The following TENM2 variants were observed in gnomAD, a reference collection of about 807,000 sequenced individuals.
The protein encoded by TENM2 is teneurin transmembrane protein 2, also known as teneurin-2.
A neutral mutation model predicts 245.2 loss-of-function variants in TENM2; 52 were observed. That is an observed-to-expected ratio of 0.21 (90% confidence interval 0.17 to 0.27). The LOEUF (loss-of-function observed/expected upper bound fraction) is 0.27. Ranked by LOEUF, TENM2 falls within the 10% of genes least tolerant of loss-of-function variation. The pLI is 1.00. For synonymous variants in TENM2, 1,363 were observed against 1,438.9 expected, an observed-to-expected ratio of 0.95 and a Z score of 1.19; for missense variants, 3,046 against 3,666.8, an observed-to-expected ratio of 0.83 and a Z score of 4.37.
At chr5:167,425,518 A>T (rs1763760524) in intron 2 of TENM2, among the ~76,000 whole-genome samples, 1 of 152,182 alleles carries the variant, frequency 6.6e-6, no homozygotes, top group Admixed American at 6.5e-5. Context: ...TCTCTCTTTA[A>T]TCAAACATAC....
chr5:167,084,360 T>TATATATATATATATATATATAC, the TENM2 span, among the ~76,000 whole-genome samples: 1 of 116,690 alleles, frequency 8.6e-6, no homozygotes. Context: ...TATATATATA[T>TATATATATATATATATATATAC]ATATATACAG....
At position 167,288,363 on chromosome 5, in the gene TENM2, TC is replaced by T. The variant is rs1338401777; in HGVS notation, c.226+3302del. 9.9e-5 allele frequency among the ~76,000 whole-genome samples: 15 copies of T among 152,002 alleles called. 1 individual carries two copies. Among genetic ancestry groups the T allele is most frequent in the African/African-American group, 3.6e-4 (15 of 41,358 alleles). ...TCACGAGGTCAAGAGATGGAGACCA[TC>T]CTGGCTAACACGGTGAAACGCTATC... On this transcript the variant is annotated intron_variant, in intron 1 of 28. Transcript: ENST00000518659.
chr5:167,420,320 C>G (rs969968664), intron 2 of TENM2, among the ~76,000 whole-genome samples: 2 of 152,126 alleles, frequency 1.3e-5, no homozygotes, highest in Non-Finnish European at 2.9e-5. Flanking sequence ...CTTTCTGGGA[C>G]CAAATAAACT....
chr5:167,872,513 AAAG>A (rs1773008699), intron 2 of TENM2, among the ~76,000 whole-genome samples: 1 of 12,486 alleles, frequency 8.0e-5, no homozygotes, highest in Non-Finnish European at 1.9e-4. Context: ...AGAAAGAAAG[AAAG>A]AAAGAAAGAA....
At chr5:167,823,571 C>G (rs369224138) in intron 2 of TENM2, among the ~76,000 whole-genome samples, 1 of 152,092 alleles carries the variant, frequency 6.6e-6, no homozygotes, top group Admixed American at 6.5e-5. Context: ...GACAGGAGTG[C>G]GAATGGCTCT....
chr5:168,098,063 T>C lies in TENM2; in HGVS notation c.1749T>C (p.Asn583=), dbSNP rs1198862999. ...ACTGTCCACGTAACTGCCATGGGAA[T>C]GGTGAATGTGTGTCCGGGGTGTGTC... is the stretch of plus-strand genomic sequence containing the variant. The change falls in exon 9 of 29, where the codon AAT becomes AAC. Residue 583 remains asparagine (N), a synonymous_variant. Transcript: ENST00000518659. The C allele has an allele frequency of 1.9e-6, 3 of 1,613,778 alleles. No individual in the cohort carries two copies. The South Asian group carries it at 3.3e-5, about 18-fold the overall frequency.
intron 9 of TENM2, among the ~76,000 whole-genome samples, chr5:168,109,454 C>G (rs1348490662): frequency 6.6e-6 from 1 of 152,210 alleles, no homozygotes; most frequent in Non-Finnish European, 1.5e-5. Context: ...AACTGAATCT[C>G]AGAGAGATTC....
intron 2 of TENM2, among the ~76,000 whole-genome samples, chr5:167,756,927 G>C (rs1035046171): frequency 6.6e-6 from 1 of 151,836 alleles, no homozygotes; most frequent in Non-Finnish European, 1.5e-5. Flanking sequence ...ACACAGGGTG[G>C]GTTTTAAATT....
chr5:167,977,907 T>A (rs988996634), intron 4 of TENM2, among the ~76,000 whole-genome samples: 2 of 151,830 alleles, frequency 1.3e-5, no homozygotes, highest in South Asian at 2.1e-4. Flanking sequence ...TGGTGGGAGG[T>A]GTTTGGGTCA....
At chr5:167,027,763 G>T in the TENM2 span, among the ~76,000 whole-genome samples, 2 of 152,100 alleles carry the variant, frequency 1.3e-5, no homozygotes, top group African/African-American at 4.8e-5. Context: ...GGTGCATATT[G>T]TTTCAGATAT....
intron 3 of TENM2, among the ~76,000 whole-genome samples, chr5:167,895,144 G>T (rs1156243147): frequency 6.6e-6 from 1 of 152,084 alleles, no homozygotes; most frequent in Non-Finnish European, 1.5e-5. Context: ...CTTTCTATTA[G>T]AATAGAGGCT....
chr5:167,145,158 T>C, the TENM2 span, among the ~76,000 whole-genome samples: 1 of 152,204 alleles, frequency 6.6e-6, no homozygotes, highest in Non-Finnish European at 1.5e-5. Flanking sequence ...ATCCTTCATT[T>C]ATTCACAGCT....
chr5:167,135,119 T>C, the TENM2 span, among the ~76,000 whole-genome samples: 1 of 152,348 alleles, frequency 6.6e-6, no homozygotes, highest in Admixed American at 6.5e-5. Context: ...TAGTTGCCTG[T>C]AATTGTTTCA....
intron 2 of TENM2, among the ~76,000 whole-genome samples, chr5:167,823,324 G>T (rs538840295): frequency 6.6e-6 from 1 of 152,010 alleles, no homozygotes; most frequent in Non-Finnish European, 1.5e-5. Flanking sequence ...GGTAATTACC[G>T]ATCCATAAAG....
At chr5:167,043,572 T>C in the TENM2 span, among the ~76,000 whole-genome samples, 1 of 152,062 alleles carries the variant, frequency 6.6e-6, no homozygotes, top group African/African-American at 2.4e-5. Flanking sequence ...GTGAGAGACC[T>C]GGAAATGGTG....
chr5:168,104,379 T>G (rs555895925), intron 9 of TENM2, among the ~76,000 whole-genome samples: 1 of 152,166 alleles, frequency 6.6e-6, no homozygotes, highest in African/African-American at 2.4e-5. Flanking sequence ...CATAAGGTCC[T>G]CCCTCATCAC....
At chr5:167,970,490 G>T (rs1781696493) in intron 4 of TENM2, among the ~76,000 whole-genome samples, 1 of 152,124 alleles carries the variant, frequency 6.6e-6, no homozygotes, top group African/African-American at 2.4e-5. Context: ...CTCTCTCTTG[G>T]AAATGGCTGG....
chr5:167,434,800 T>C (rs774410084), intron 2 of TENM2, among the ~76,000 whole-genome samples: 8 of 152,208 alleles, frequency 5.3e-5, no homozygotes, highest in Non-Finnish European at 4.4e-5. Flanking sequence ...TATATTATTA[T>C]TTATGGACAG....
intron 2 of TENM2, among the ~76,000 whole-genome samples, chr5:167,607,495 G>C (rs143017261): frequency 6.6e-6 from 1 of 152,300 alleles, no homozygotes; most frequent in African/African-American, 2.4e-5. Flanking sequence ...AATGTTTCCT[G>C]TGTGCCCCAT....
Sources: gnomAD v4.1 joint callset for allele counts (sites outside exome capture counted in the v4.1 genomes callset) on GRCh38, gnomAD v4.1.1 for gene constraint, MANE v1.5 for transcripts, NCBI Gene and HGNC (gene_info 2026-07-23, HGNC 2026-07-21) for gene names.